Variants in MBNL2 observed in about 807,000 individuals in gnomAD.
MBNL2 encodes the protein muscleblind-like protein 2.
Under a neutral mutation model 41.9 loss-of-function variants are expected in MBNL2, and 17 were observed. That is an observed-to-expected ratio of 0.41 (90% CI 0.28 to 0.61). The LOEUF is 0.61. Ranked by LOEUF, MBNL2 falls within the 20% of genes least tolerant of loss-of-function variation. The pLI is 0.35. For synonymous variants in MBNL2, 195 were observed against 182.9 expected, an observed-to-expected ratio of 1.07 and a Z score of -0.53; for missense variants, 336 against 505.6, an observed-to-expected ratio of 0.66 and a Z score of 3.22.
the MBNL2 span, among the ~76,000 whole-genome samples, chr13:97,190,112 C>G: frequency 6.6e-5 from 10 of 152,238 alleles, no homozygotes; most frequent in Non-Finnish European, 1.0e-4. Flanking sequence ...CATGTGCTAT[C>G]TTAGCATGGC....
chr13:97,294,521 C>T (rs1819255358), intron 2 of MBNL2, among the ~76,000 whole-genome samples: 1 of 152,188 alleles, frequency 6.6e-6, no homozygotes. Context: ...GGAAGACAGA[C>T]CTTCATGTTA....
the MBNL2 span, chr13:97,173,005 G>A: frequency 6.6e-6 from 1 of 152,132 alleles, no homozygotes; most frequent in East Asian, 1.9e-4. Context: ...AACTCACTGG[G>A]GTTCTTCGTC....
chr13:97,234,381 T>G (rs1482218088), intron 1 of MBNL2, among the ~76,000 whole-genome samples: 1 of 152,174 alleles, frequency 6.6e-6, no homozygotes, highest in Admixed American at 6.5e-5. Context: ...ACACTGAGCT[T>G]CTCTGGCAGT....
chr13:97,216,008 T>A, the MBNL2 span, among the ~76,000 whole-genome samples: 1 of 152,350 alleles, frequency 6.6e-6, no homozygotes, highest in Non-Finnish European at 1.5e-5. Flanking sequence ...TTCATTTACA[T>A]GCTTTATGCA....
In MBNL2 at chr13:97,232,890, T is replaced by TGTGTGTGTGC. The variant is rs1491513676; in HGVS notation, c.-605+10360_-605+10361insTGTGTGTGCG. Among the ~76,000 whole-genome samples, 200 of 134,562 alleles carry TGTGTGTGTGC rather than the reference T, an allele frequency of 1.5e-3. 1 individual carries two copies. Among genetic ancestry groups the TGTGTGTGTGC allele is most frequent in the East Asian group, 5.4e-3 (25 of 4,642 alleles). 88.3% of individuals were successfully genotyped at this position (134,562 alleles called of 152,430 possible). ...GTGTGTGTGTGTGTGTGTGTGTGTG[T>TGTGTGTGTGC]GCGCACGTACACTGAATGAACTTAA... is the stretch of plus-strand genomic sequence containing the variant. On this transcript the variant is annotated intron_variant, in intron 1 of 8. Transcript: ENST00000679496.
Position 97,369,620 on chromosome 13 carries a change from C to CATTG in MBNL2, c.1048+4455_1048+4458dup, listed in dbSNP as rs549069162. 8.8e-3 allele frequency among the ~76,000 whole-genome samples: 1,344 copies of CATTG among 152,212 alleles called. 7 individuals are homozygous for CATTG. Among genetic ancestry groups the CATTG allele is most frequent in the Non-Finnish European group, 0.015 (1,008 of 68,014 alleles). ...CAGGCATTTGTAATTAGATACAAGTCATTGATTGAAGAAAGAGGATAGATG... is the reference window on the plus strand; with the variant it reads ...CAGGCATTTGTAATTAGATACAAGTCATTGATTGATTGAAGAAAGAGGATAGATG... On this transcript the variant is annotated intron_variant, in intron 8 of 8. Transcript: ENST00000679496.
At chr13:97,143,408 C>G in the MBNL2 span, among the ~76,000 whole-genome samples, 2 of 152,284 alleles carry the variant, frequency 1.3e-5, no homozygotes, top group Admixed American at 1.3e-4. Context: ...TCCTAAATTC[C>G]CCAAACCCCT....
chr13:97,263,104 C>T (rs6491345), intron 1 of MBNL2, among the ~76,000 whole-genome samples: 101,436 of 151,906 alleles, frequency 0.67, 34,005 homozygotes, highest in East Asian at 0.7. Context: ...CCGTTTTGAT[C>T]CATCTATTTC....
chr13:97,155,662 T>A, the MBNL2 span, among the ~76,000 whole-genome samples: 1 of 151,566 alleles, frequency 6.6e-6, no homozygotes, highest in Non-Finnish European at 1.5e-5. Flanking sequence ...TTTTTTGTTC[T>A]TGCGATAGTT....
intron 1 of MBNL2, among the ~76,000 whole-genome samples, chr13:97,223,483 C>T (rs535847790): frequency 3.1e-4 from 47 of 152,226 alleles, no homozygotes; most frequent in South Asian, 1.0e-3. Context: ...TGTTAGGCCT[C>T]GGAAGCATGT....
intron 8 of MBNL2, among the ~76,000 whole-genome samples, chr13:97,373,757 T>C (rs891022136): frequency 4.6e-5 from 7 of 152,130 alleles, no homozygotes; most frequent in African/African-American, 7.2e-5. Flanking sequence ...CTTTTTATTT[T>C]CCTGCCTCAG....
intron 2 of MBNL2, among the ~76,000 whole-genome samples, chr13:97,295,651 A>C (rs900151503): frequency 2.6e-5 from 4 of 152,194 alleles, no homozygotes; most frequent in Admixed American, 6.5e-5. Flanking sequence ...CTTAGCCATA[A>C]TGATCACAAT....
At chr13:97,186,452 T>C in the MBNL2 span, among the ~76,000 whole-genome samples, 3 of 152,246 alleles carry the variant, frequency 2.0e-5, no homozygotes, top group African/African-American at 7.2e-5. Context: ...GGAATATTTT[T>C]AGTTTACCTA....
chr13:97,289,335 T>A (rs150761585), intron 2 of MBNL2, among the ~76,000 whole-genome samples: 1 of 152,332 alleles, frequency 6.6e-6, no homozygotes, highest in African/African-American at 2.4e-5. Context: ...TCATTAATAA[T>A]GACACTAAAA....
the MBNL2 span, among the ~76,000 whole-genome samples, chr13:97,200,621 A>G: frequency 6.6e-6 from 1 of 152,238 alleles, no homozygotes; most frequent in Admixed American, 6.5e-5. Context: ...TTTTAAAGAC[A>G]TTTTAGCCAC....
At chr13:97,236,466 G>A (rs1315923470) in intron 1 of MBNL2, among the ~76,000 whole-genome samples, 1 of 151,062 alleles carries the variant, frequency 6.6e-6, no homozygotes, top group Non-Finnish European at 1.5e-5. Context: ...ATGTACAGAT[G>A]TGTTCACTTT....
At chr13:97,325,770 T>C (rs1226547433) in intron 2 of MBNL2, among the ~76,000 whole-genome samples, 2 of 152,238 alleles carry the variant, frequency 1.3e-5, no homozygotes, top group Non-Finnish European at 2.9e-5. Flanking sequence ...TTAAACATGC[T>C]ATGAAATGGC....
chr13:97,212,549 G>T, the MBNL2 span, among the ~76,000 whole-genome samples: 1 of 152,176 alleles, frequency 6.6e-6, no homozygotes, highest in Non-Finnish European at 1.5e-5. Flanking sequence ...AGCCAGTGAG[G>T]TGTCGCAGTA....
At chr13:97,328,173 C>CT (rs35671709) in intron 2 of MBNL2, among the ~76,000 whole-genome samples, 2,676 of 131,752 alleles carry the variant, frequency 0.02, 49 homozygotes, top group African/African-American at 0.052. Flanking sequence ...TTCCTTAACC[C>CT]TTTTTTTTTT....
Sources: gnomAD v4.1 joint callset for allele counts (sites outside exome capture counted in the v4.1 genomes callset) on GRCh38, gnomAD v4.1.1 for gene constraint, MANE v1.5 for transcripts, NCBI Gene and HGNC (gene_info 2026-07-23, HGNC 2026-07-21) for gene names.